RELCH: variants seen among roughly 807,000 people sequenced by gnomAD.
The protein encoded by RELCH is RAB11-binding protein RELCH.
Under a neutral mutation model 150.3 loss-of-function variants are expected in RELCH, and 41 were observed. The ratio of observed to expected loss-of-function variants is 0.27; its 90% CI spans 0.21 to 0.35. The LOEUF (loss-of-function observed/expected upper bound fraction) is 0.35, where lower values mean the gene tolerates loss of function less well. RELCH is among the 10% of genes least tolerant of loss of function. The pLI is 1.00. For synonymous variants in RELCH, 478 were observed against 531.8 expected (o/e 0.90, Z 1.39); for missense variants, 1,092 against 1,467.8 (o/e 0.74, Z 4.18).
intron 1 of RELCH, among the ~76,000 whole-genome samples, chr18:62,195,783 C>T (rs908815805): frequency 6.6e-6 from 1 of 151,866 alleles, no homozygotes; most frequent in African/African-American, 2.4e-5. Context: ...GCCATCTCCA[C>T]CTCCCGGGTT....
At chr18:62,258,750 A>G in intron 15 of RELCH, 74 bp downstream of exon 15, 1 of 1,045,462 alleles carries the variant, frequency 9.6e-7, no homozygotes, top group Non-Finnish European at 1.4e-6. Context: ...GAACAATGTT[A>G]GAGAACAGAG....
intron 20 of RELCH, among the ~76,000 whole-genome samples, chr18:62,272,401 A>G (rs2043952929): frequency 1.3e-5 from 2 of 152,174 alleles, no homozygotes; most frequent in Admixed American, 1.3e-4. Context: ...AAATGCCAAG[A>G]ACAAGGTTTG....
intron 2 of RELCH, among the ~76,000 whole-genome samples, chr18:62,212,663 G>T (rs2040241594): frequency 1.3e-5 from 2 of 152,056 alleles, no homozygotes; most frequent in African/African-American, 4.8e-5. Context: ...CTGTTATCTT[G>T]TTCCTCTCCC....
rs2045956181 is a variant in RELCH at position 62,309,430 on chromosome 18, C to G, written c.*3896C>G. 1.3e-5 allele frequency: 2 copies of G among 152,116 alleles called. No individual in the cohort carries two copies. The highest frequency in any genetic ancestry group is 1.3e-4 in the Admixed American group (2 of 15,264). 9.4% of individuals were successfully genotyped at this position (152,116 alleles called of 1,614,324 possible). A position where few individuals can be genotyped will look rare whatever the true frequency, so the allele number is the denominator to read the frequency against. Reference sequence around the variant, plus strand: ...GCACATCTCATCATTCATATTTTCTCTTCAGAACCAAGTACAGGAAACTGT... The same window carrying G: ...GCACATCTCATCATTCATATTTTCTGTTCAGAACCAAGTACAGGAAACTGT... On this transcript the variant is annotated 3_prime_UTR_variant, in exon 29 of 29. Transcript: ENST00000644646.
chr18:62,305,118 A>T lies in RELCH; in HGVS notation c.3531-296A>T, dbSNP rs567821868. ...ATAACCCTAGGAGGCAAATACTAGA[A>T]TCATCCTCGTTTTACAGATGAGATT... On this transcript the variant is annotated intron_variant, in intron 28 of 28. Coordinates refer to ENST00000644646, the MANE Select transcript of RELCH (RefSeq NM_001346231.2). This position sits in a 1 kb window ranked among gnomAD's most constrained non-coding sequence, Gnocchi z 4.0. Among the ~76,000 whole-genome samples the T allele has an allele frequency of 6.6e-6, 1 of 152,316 alleles. No homozygotes were observed. The highest frequency in any genetic ancestry group is 2.1e-4 in the South Asian group (1 of 4,826).
At chr18:62,252,019 C>T (rs979788443) in intron 11 of RELCH, among the ~76,000 whole-genome samples, 2 of 151,832 alleles carry the variant, frequency 1.3e-5, no homozygotes, top group African/African-American at 4.8e-5. Flanking sequence ...TTTCTTGAGA[C>T]GGAGTCTCAC....
intron 2 of RELCH, among the ~76,000 whole-genome samples, chr18:62,214,948 C>T (rs180714856): frequency 6.6e-6 from 1 of 152,266 alleles, no homozygotes. Flanking sequence ...TCTGCAATGG[C>T]TTCAAGGTCT....
Position 62,266,730 on chromosome 18 carries a change from A to G in RELCH, c.2661A>G (p.Arg887=). ...AACCTCAGTTCCAGGAGATTTTAAG[A>G]CTATCTGAAGAAAACATTGGTGAGT... ...KVKPQFQEIL[R]LSEENIDSSA... is the part of the protein sequence containing the mutation. Residue 887 remains arginine, a synonymous_variant, in exon 19 of 29, where the codon AGA becomes AGG. Coordinates refer to ENST00000644646, the MANE Select transcript of RELCH (RefSeq NM_001346231.2). The G allele has an allele frequency of 1.2e-6, 2 of 1,600,856 alleles. No individual in the cohort carries two copies. The highest frequency in any genetic ancestry group is 1.7e-6 in the Non-Finnish European group (2 of 1,170,944).
rs2045838191 is a variant in RELCH at position 62,305,253 on chromosome 18, C to A, written c.3531-161C>A. On this transcript the variant is annotated intron_variant, in intron 28 of 28. Coordinates refer to ENST00000644646, the MANE Select transcript of RELCH (RefSeq NM_001346231.2). The surrounding 1 kb of genome is among the most constrained non-coding windows in gnomAD (Gnocchi z 4.0). ...TTACTATAGATAATGAACATGAAAG[C>A]TCCTAACCTAGTATGGCATATACAA... 6.6e-6 allele frequency among the ~76,000 whole-genome samples: 1 copy of A among 152,192 alleles called. No homozygotes were observed. Among genetic ancestry groups the A allele is most frequent in the South Asian group, 2.1e-4 (1 of 4,834 alleles).
chr18:62,250,157 T>C (rs2042625994), intron 11 of RELCH, among the ~76,000 whole-genome samples: 1 of 152,194 alleles, frequency 6.6e-6, no homozygotes. Flanking sequence ...CTTCTAATCT[T>C]TTCTGTTTTG....
chr18:62,257,716 G>A (rs2043058372), intron 13 of RELCH, among the ~76,000 whole-genome samples: 1 of 151,926 alleles, frequency 6.6e-6, no homozygotes, highest in Admixed American at 6.6e-5. Context: ...TGCCTCTAGA[G>A]AGGAAGGGAT....
chr18:62,266,582 A>C (rs1014756109), intron 18 of RELCH, 119 bp from the exon 19 acceptor site: 15 of 574,562 alleles, frequency 2.6e-5, no homozygotes, highest in Middle Eastern at 2.7e-4. Context: ...CACTTAACTT[A>C]GTCATCTATA....
chr18:62,221,085 G>T lies in RELCH; in HGVS notation c.665G>T (p.Arg222Leu). ...RKAKETIQAL[R>L]ANLTKAAEHE... The stretch of plus-strand genomic sequence containing the variant: ...GCCAAGGAGACCATTCAGGCCCTCC[G>T]AGCCAACCTGACAAAGGCCGCAGGT... The change falls in exon 3 of 29, where the codon CGA becomes CTA. Residue 222 changes from arginine (R) to leucine (L), a missense_variant. Around this residue, in one of 4 missense-constraint regions of RELCH, gnomAD observed 190 missense variants for 276.2 expected, o/e 0.69. Transcript: ENST00000644646. 6.2e-7 allele frequency: 1 copy of T among 1,613,390 alleles called. No homozygotes were observed. Among genetic ancestry groups the T allele is most frequent in the Non-Finnish European group, 8.5e-7 (1 of 1,179,592 alleles).
At chr18:62,192,527 C>A (rs1192765309) in intron 1 of RELCH, among the ~76,000 whole-genome samples, 1 of 152,162 alleles carries the variant, frequency 6.6e-6, no homozygotes, top group East Asian at 1.9e-4. Flanking sequence ...TTGGGTTCTA[C>A]ATTTAAGTCT....
At position 62,254,170 on chromosome 18, in the gene RELCH, T is replaced by C. The variant is rs145473106; in HGVS notation, c.1825-1237T>C. 9.2e-5 allele frequency among the ~76,000 whole-genome samples: 14 copies of C among 152,258 alleles called. No individual in the cohort carries two copies. The East Asian group carries it at 2.7e-3, about 29-fold the overall frequency. ...TTTCATAAACAATGCATTGAATCTA[T>C]AGATTTATCTAGAGAGTATTGCCAT... On this transcript the variant is annotated intron_variant, in intron 12 of 28. Coordinates refer to ENST00000644646, the MANE Select transcript of RELCH (RefSeq NM_001346231.2).
chr18:62,259,472 A>T (rs1324849096), intron 15 of RELCH, among the ~76,000 whole-genome samples: 3 of 151,926 alleles, frequency 2.0e-5, no homozygotes, highest in Non-Finnish European at 4.4e-5. Context: ...CACTGATGAA[A>T]GAAATTGAAG....
At chr18:62,293,103 A>G (rs989504079) in intron 27 of RELCH, among the ~76,000 whole-genome samples, 6 of 152,124 alleles carry the variant, frequency 3.9e-5, no homozygotes, top group Non-Finnish European at 7.3e-5. Flanking sequence ...ACCATATAAC[A>G]TCGTCTTTTC....
rs1011297961 is a variant in RELCH at position 62,307,438 on chromosome 18, A to G, written c.*1904A>G. Reference sequence around the variant, plus strand: ...TGAACATTTTTCTTAATTAATGAATATATTTATTTAAGTGCTAATGTTTTT... The same window carrying G: ...TGAACATTTTTCTTAATTAATGAATGTATTTATTTAAGTGCTAATGTTTTT... On this transcript the variant is annotated 3_prime_UTR_variant, in exon 29 of 29. Transcript: ENST00000644646. The G allele has an allele frequency of 6.6e-6, 1 of 152,122 alleles. No homozygotes were observed. The highest frequency in any genetic ancestry group is 1.5e-5 in the Non-Finnish European group (1 of 68,004). 9.4% of individuals were successfully genotyped at this position (152,122 alleles called of 1,614,324 possible).
intron 5 of RELCH, among the ~76,000 whole-genome samples, chr18:62,225,406 G>A (rs577117604): frequency 5.6e-4 from 85 of 152,078 alleles, no homozygotes; most frequent in African/African-American, 1.9e-3. Flanking sequence ...TGAGAAGACC[G>A]AGAGGGTGAA....
Sources: allele counts gnomAD v4.1 joint callset (sites outside exome capture counted in the v4.1 genomes callset), GRCh38; gene constraint gnomAD v4.1.1; regional missense constraint gnomAD v4.1.1; non-coding constraint Gnocchi (gnomAD v3.1); transcripts MANE v1.5; gene names NCBI Gene and HGNC (gene_info 2026-07-23, HGNC 2026-07-21).